Variants in PNLIP observed in about 807,000 individuals in gnomAD.
PNLIP encodes the protein pancreatic lipase, also known as pancreatic triacylglycerol lipase.
In PNLIP, 49 loss-of-function variants were observed where a neutral mutation model predicts 57.1. The ratio of observed to expected loss-of-function variants is 0.86; its 90% confidence interval spans 0.68 to 1.09. PNLIP has a LOEUF of 1.09. PNLIP is among the 50% of genes least tolerant of loss of function. PNLIP has a pLI of 0.00. For missense variants in PNLIP, 503 were observed against 570.2 expected, an observed-to-expected ratio of 0.88 and a Z score of 1.20; for synonymous variants, 209 against 200.4, an observed-to-expected ratio of 1.04 and a Z score of -0.36.
Position 116,555,407 on chromosome 10 carries a change from C to G in PNLIP, c.711C>G (p.Val237=). The G allele has an allele frequency of 1.2e-6, 2 of 1,614,122 alleles. No individual in the cohort carries two copies. The highest frequency in any genetic ancestry group is 1.7e-6 in the Non-Finnish European group (2 of 1,180,014). ...TTTCAGGGTTTGGAATGAGCCAAGT[C>G]GTGGGCCACCTAGATTTCTTTCCAA... The part of the protein sequence containing the change: ...VPNLGFGMSQ[V]VGHLDFFPNG... The change falls in exon 8 of 13, where the codon GTC becomes GTG. Residue 237 remains valine, a synonymous_variant. Transcript: ENST00000369221.
chr10:116,564,839 C>T (rs1255202498), intron 12 of PNLIP, among the ~76,000 whole-genome samples: 1 of 151,866 alleles, frequency 6.6e-6, no homozygotes, highest in Non-Finnish European at 1.5e-5. Flanking sequence ...AAAATATGCG[C>T]TATAAATTCT....
intron 12 of PNLIP, among the ~76,000 whole-genome samples, chr10:116,561,909 C>G (rs999858320): frequency 2.6e-5 from 4 of 152,166 alleles, no homozygotes; most frequent in African/African-American, 9.7e-5. Context: ...GGAATGTTTC[C>G]TTTGGCAGCT....
At chr10:116,566,184 A>G (rs911275042) in intron 12 of PNLIP, among the ~76,000 whole-genome samples, 2 of 152,236 alleles carry the variant, frequency 1.3e-5, no homozygotes, top group Admixed American at 6.5e-5. Flanking sequence ...GGATAAACAA[A>G]CTATGGTCTA....
chr10:116,553,860 T>C, intron 6 of PNLIP, 22 bp downstream of exon 6: 1 of 1,464,018 alleles, frequency 6.8e-7, no homozygotes. Flanking sequence ...CAGTGAAAGA[T>C]ACCAGGGGGG....
At chr10:116,559,393 T>C in intron 10 of PNLIP, 110 bp downstream of exon 10, 2 of 781,392 alleles carry the variant, frequency 2.6e-6, no homozygotes, top group Non-Finnish European at 4.1e-6. Flanking sequence ...AAACACCCCC[T>C]CTGCAAGGTG....
At chr10:116,558,199 C>CTTTTTTTT (rs71010092) in intron 9 of PNLIP, among the ~76,000 whole-genome samples, 1 of 118,268 alleles carries the variant, frequency 8.5e-6, no homozygotes. Flanking sequence ...ATCTTTCTTT[C>CTTTTTTTT]TTTTTTTTTT....
At chr10:116,565,074 G>A (rs1158220602) in intron 12 of PNLIP, among the ~76,000 whole-genome samples, 1 of 151,676 alleles carries the variant, frequency 6.6e-6, no homozygotes, top group South Asian at 2.1e-4. Context: ...TGGCTAACAC[G>A]GTGAAACCCC....
At chr10:116,560,723 G>A (rs577602407) in intron 11 of PNLIP, among the ~76,000 whole-genome samples, 199 bp downstream of exon 11, 110 of 151,448 alleles carry the variant, frequency 7.3e-4, no homozygotes, top group African/African-American at 2.5e-3. Flanking sequence ...GATTACAGGC[G>A]CCCACCACCA....
chr10:116,553,862 C>G, intron 6 of PNLIP, 24 bp downstream of exon 6: 4 of 1,445,940 alleles, frequency 2.8e-6, no homozygotes, highest in Non-Finnish European at 3.9e-6. Context: ...GTGAAAGATA[C>G]CAGGGGGGTT....
At chr10:116,560,361 GT>G (rs1847301285) in intron 10 of PNLIP, 54 bp from the exon 11 acceptor site, 2 of 867,526 alleles carry the variant, frequency 2.3e-6, no homozygotes, top group Non-Finnish European at 3.8e-6. Flanking sequence ...AAATTAACTT[GT>G]TTTTAGTGTC....
At chr10:116,557,290 C>A (rs1469212067) in intron 9 of PNLIP, among the ~76,000 whole-genome samples, 2 of 152,148 alleles carry the variant, frequency 1.3e-5, no homozygotes, top group Non-Finnish European at 2.9e-5. Flanking sequence ...ATAAACAGTT[C>A]TTTCAAGTGA....
rs1847320033 is a variant in PNLIP at position 116,561,999 on chromosome 10, G to A, written c.1334+363G>A. Among the ~76,000 whole-genome samples the A allele has an allele frequency of 3.3e-5, 5 of 152,282 alleles. 1 individual carries two copies. The South Asian group carries it at 1.0e-3, about 32-fold the overall frequency. Reference sequence around the variant, plus strand: ...CACCTAATTGCTGTTTAAGTTGCTGGAAACACAGTGAATGTTTCAAGGAAT... The same window carrying A: ...CACCTAATTGCTGTTTAAGTTGCTGAAAACACAGTGAATGTTTCAAGGAAT... On this transcript the variant is annotated intron_variant, in intron 12 of 12. Transcript: ENST00000369221.
chr10:116,549,692 T>A (rs1194913753), intron 4 of PNLIP, among the ~76,000 whole-genome samples: 1 of 152,148 alleles, frequency 6.6e-6, no homozygotes, highest in Non-Finnish European at 1.5e-5. Context: ...AGCTGATGAT[T>A]ACTGGAGGGA....
chr10:116,548,511 A>ATCGT, intron 4 of PNLIP, 29 bp downstream of exon 4: 2 of 1,607,202 alleles, frequency 1.2e-6, no homozygotes, highest in East Asian at 4.5e-5. Context: ...TCAAGGAAAG[A>ATCGT]TCGTTTCCAA....
rs140844816 is a variant in PNLIP at position 116,547,357 on chromosome 10, C to T, written c.110C>T (p.Thr37Met). The change falls in exon 3 of 13, where the codon ACG (threonine) becomes ATG (methionine). Residue 37 changes from threonine to methionine, a missense_variant. Coordinates refer to ENST00000369221, the MANE Select transcript of PNLIP (RefSeq NM_000936.4). Reference sequence around the variant, plus strand: ...GATGACTCCCCATGGTCAGGAATTACGGAAAGACCCCTCCATATATTGCCT... The same window carrying T: ...GATGACTCCCCATGGTCAGGAATTATGGAAAGACCCCTCCATATATTGCCT... ...FSDDSPWSGITERPLHILPWS... is the reference protein window; with the variant it reads ...FSDDSPWSGIMERPLHILPWS... 5.1e-5 allele frequency: 82 copies of T among 1,613,814 alleles called. No individual in the cohort carries two copies. The Admixed American group carries it at 9.0e-4, about 18-fold the overall frequency.
chr10:116,561,451 G>C, intron 11 of PNLIP, 21 bp from the exon 12 acceptor site: 1 of 1,591,652 alleles, frequency 6.3e-7, no homozygotes, highest in Non-Finnish European at 8.6e-7. Context: ...GTATGTTTTT[G>C]TTAACTTCTT....
At chr10:116,555,067 G>T (rs558462806) in intron 6 of PNLIP, 111 bp from the exon 7 acceptor site, 21 of 1,193,172 alleles carry the variant, frequency 1.8e-5, no homozygotes, top group Non-Finnish European at 2.6e-5. Context: ...TTCAGCAAAT[G>T]GTCAGGTAAG....
chr10:116,556,092 T>C lies in PNLIP; in HGVS notation c.904T>C (p.Cys302Arg). Residue 302 changes from cysteine to arginine, a missense_variant, in exon 9 of 13, where the codon TGT (cysteine) becomes CGT (arginine). Physicochemically the swap from Cys to Arg is radical, Grantham distance 180 (BLOSUM62 -3). Coordinates refer to ENST00000369221, the MANE Select transcript of PNLIP (RefSeq NM_000936.4). The part of the protein sequence containing the change: ...VNPDGFAGFP[C>R]ASYNVFTANK... ...CCCTGATGGCTTTGCTGGATTCCCCTGTGCCTCTTACAACGTCTTCACTGC... is the reference window on the plus strand; with the variant it reads ...CCCTGATGGCTTTGCTGGATTCCCCCGTGCCTCTTACAACGTCTTCACTGC... 6.2e-7 allele frequency: 1 copy of C among 1,611,676 alleles called. No individual in the cohort carries two copies. The highest frequency in any genetic ancestry group is 8.5e-7 in the Non-Finnish European group (1 of 1,177,740).
intron 8 of PNLIP, 91 bp downstream of exon 8, chr10:116,555,598 G>C: frequency 1.4e-6 from 2 of 1,380,492 alleles, no homozygotes; most frequent in Non-Finnish European, 2.0e-6. Context: ...AATTGTACAG[G>C]TCTCACATTT....
Sources: allele counts gnomAD v4.1 joint callset (sites outside exome capture counted in the v4.1 genomes callset), GRCh38; gene constraint gnomAD v4.1.1; transcripts MANE v1.5; gene names NCBI Gene and HGNC (gene_info 2026-07-23, HGNC 2026-07-21).